The following PCMT1 variants were observed in gnomAD, a reference collection of about 807,000 sequenced individuals.
The protein encoded by PCMT1 is protein-L-isoaspartate(D-aspartate) O-methyltransferase.
PCMT1 carries 9 observed loss-of-function variants against 29.2 expected under a neutral mutation model. The observed-to-expected ratio is 0.31, with a 90% confidence interval of 0.19 to 0.54. PCMT1 has a LOEUF of 0.54. Among genes scored for constraint, PCMT1 ranks in the 20% least tolerant of loss-of-function variants. The pLI is 0.95. For missense variants in PCMT1, 184 were observed against 282.2 expected, an observed-to-expected ratio of 0.65 and a Z score of 2.49; for synonymous variants, 98 against 97.5, an observed-to-expected ratio of 1.00 and a Z score of -0.03.
chr6:149,777,515 A>G (rs145764182), intron 3 of PCMT1, among the ~76,000 whole-genome samples: 384 of 152,356 alleles, frequency 2.5e-3, no homozygotes, highest in African/African-American at 8.9e-3. Flanking sequence ...GAAATGCAGT[A>G]TAATACTTAC....
intron 1 of PCMT1, among the ~76,000 whole-genome samples, chr6:149,756,228 T>C (rs1786498242): frequency 6.6e-6 from 1 of 152,192 alleles, no homozygotes; most frequent in African/African-American, 2.4e-5. Flanking sequence ...GCAAGAATTA[T>C]GATTTGTAGT....
At chr6:149,805,320 G>A (rs182705712) in intron 7 of PCMT1, among the ~76,000 whole-genome samples, 9 of 151,552 alleles carry the variant, frequency 5.9e-5, no homozygotes, top group East Asian at 5.8e-4. Context: ...TAGGCTGGGC[G>A]CAGTGGCTCA....
chr6:149,755,127 C>T (rs969944465), intron 1 of PCMT1, among the ~76,000 whole-genome samples: 3 of 151,972 alleles, frequency 2.0e-5, no homozygotes, highest in Non-Finnish European at 2.9e-5. Context: ...TAAGGAAGGC[C>T]GAGTGCGGTG....
chr6:149,767,324 T>G (rs1787130141), intron 1 of PCMT1, among the ~76,000 whole-genome samples: 1 of 151,850 alleles, frequency 6.6e-6, no homozygotes, highest in Admixed American at 6.6e-5. Flanking sequence ...CCTCCCACAG[T>G]GCTGGAATTA....
At chr6:149,769,770 A>ATTTTTT (rs34274281) in intron 1 of PCMT1, among the ~76,000 whole-genome samples, 1 of 99,714 alleles carries the variant, frequency 1.0e-5, no homozygotes. Context: ...AGCTAATTAA[A>ATTTTTT]TTTTTTTTTT....
At chr6:149,753,248 C>T (rs1786395114) in intron 1 of PCMT1, among the ~76,000 whole-genome samples, 1 of 151,830 alleles carries the variant, frequency 6.6e-6, no homozygotes, top group African/African-American at 2.4e-5. Context: ...TAATTGAAAT[C>T]TTAGAAAAAT....
intron 2 of PCMT1, chr6:149,772,455 A>G (rs1787369121): frequency 2.6e-6 from 1 of 391,192 alleles, no homozygotes; most frequent in African/African-American, 2.1e-5. Context: ...GACTTTGTAT[A>G]CCTATTACAT....
In PCMT1 at chr6:149,810,693, T is replaced by C; in HGVS notation, c.*115T>C. On this transcript the variant is annotated 3_prime_UTR_variant, in exon 8 of 8. Transcript: ENST00000464889. Reference sequence around the variant, plus strand: ...TGCTCATCTCAGTCCTCAAAGCTTTTTGAAAACCAACACCATCACAGCTTG... The same window carrying C: ...TGCTCATCTCAGTCCTCAAAGCTTTCTGAAAACCAACACCATCACAGCTTG... The C allele has an allele frequency of 8.0e-7, 1 of 1,242,646 alleles. No individual in the cohort carries two copies. Among genetic ancestry groups the C allele is most frequent in the Non-Finnish European group, 1.1e-6 (1 of 870,282 alleles). 77.0% of individuals were successfully genotyped at this position (1,242,646 alleles called of 1,614,324 possible). A position where few individuals can be genotyped will look rare whatever the true frequency, so the allele number is the denominator to read the frequency against.
intron 7 of PCMT1, among the ~76,000 whole-genome samples, chr6:149,805,575 C>T (rs1775987900): frequency 6.6e-6 from 1 of 151,588 alleles, no homozygotes; most frequent in South Asian, 2.1e-4. Flanking sequence ...GCCTGGGCAA[C>T]AGAGCGAGAC....
chr6:149,754,328 A>G (rs1786437793), intron 1 of PCMT1, among the ~76,000 whole-genome samples: 1 of 152,230 alleles, frequency 6.6e-6, no homozygotes, highest in Non-Finnish European at 1.5e-5. Flanking sequence ...TGGACTGGTA[A>G]TGTGCTCGTG....
In PCMT1 at chr6:149,762,808, T is replaced by C. The variant is rs1372263324; in HGVS notation, c.56-8354T>C. Reference sequence around the variant, plus strand: ...GATATATATACCTATGATATATATATCTATGATAATCTATGATATATATGA... The same window carrying C: ...GATATATATACCTATGATATATATACCTATGATAATCTATGATATATATGA... On this transcript the variant is annotated intron_variant, in intron 1 of 7. Coordinates refer to ENST00000464889, the MANE Select transcript of PCMT1 (RefSeq NM_001360452.2). Among the ~76,000 whole-genome samples, 3 of 53,760 alleles carry C rather than the reference T, an allele frequency of 5.6e-5. 1 individual carries two copies. Among genetic ancestry groups the C allele is most frequent in the African/African-American group, 3.7e-4 (2 of 5,478 alleles). The allele number at this position is 53,760 out of a possible 152,430, so 35.3% of individuals were successfully genotyped here.
Position 149,801,234 on chromosome 6 carries a change from T to C in PCMT1, c.505-966T>C, listed in dbSNP as rs78317405. Among the ~76,000 whole-genome samples the C allele has an allele frequency of 8.0e-3, 1,215 of 152,346 alleles. 18 individuals are homozygous for C. Among genetic ancestry groups the C allele is most frequent in the African/African-American group, 0.028 (1,157 of 41,576 alleles). On this transcript the variant is annotated intron_variant, in intron 6 of 7. Transcript: ENST00000464889. Reference sequence around the variant, plus strand: ...CTAAACATAAAACTCATTTATGTTATACCTCTTATACACATAGCCTGAAGG... The same window carrying C: ...CTAAACATAAAACTCATTTATGTTACACCTCTTATACACATAGCCTGAAGG...
In PCMT1 at chr6:149,749,796, G is replaced by A. The variant is rs1198680901; in HGVS notation, c.-106G>A. 7.7e-6 allele frequency: 12 copies of A among 1,551,920 alleles called. No homozygotes were observed. Among genetic ancestry groups the A allele is most frequent in the Admixed American group, 3.9e-5 (2 of 51,026 alleles). On this transcript the variant is annotated 5_prime_UTR_variant, in exon 1 of 8. Coordinates refer to ENST00000464889, the MANE Select transcript of PCMT1 (RefSeq NM_001360452.2). ...ACAGCGGCAGCTACAGCGGGGACGC[G>A]AGCGGGGCGGTGACGGTGTGGGAGG...
rs1467540328 is a variant in PCMT1, at chr6:149,810,672, C to T, written c.*94C>T. 1 of 1,477,210 alleles carries T rather than the reference C, an allele frequency of 6.8e-7. No homozygotes were observed. Among genetic ancestry groups the T allele is most frequent in the Non-Finnish European group, 9.2e-7 (1 of 1,081,452 alleles). The allele number at this position is 1,477,210 out of a possible 1,614,324, so 91.5% of individuals were successfully genotyped here. A position where few individuals can be genotyped will look rare whatever the true frequency, so the allele number is the denominator to read the frequency against. The stretch of plus-strand genomic sequence containing the variant: ...CAGTATAAAATTACAGTGGATTGCT[C>T]ATCTCAGTCCTCAAAGCTTTTTGAA... On this transcript the variant is annotated 3_prime_UTR_variant, in exon 8 of 8. Transcript: ENST00000464889.
intron 3 of PCMT1, among the ~76,000 whole-genome samples, chr6:149,786,557 ACGGGGCGG>A (rs1788096396): frequency 1.4e-5 from 1 of 72,926 alleles, no homozygotes; most frequent in African/African-American, 1.1e-4. Flanking sequence ...CACTTCTCAG[ACGGGGCGG>A]TTGCCAGGCA....
At chr6:149,780,973 A>G (rs1328475521) in intron 3 of PCMT1, among the ~76,000 whole-genome samples, 2 of 152,186 alleles carry the variant, frequency 1.3e-5, no homozygotes, top group African/African-American at 4.8e-5. Context: ...CTAGCAATGT[A>G]TGAGGGTTCC....
At chr6:149,786,927 C>T (rs1467302773) in intron 3 of PCMT1, among the ~76,000 whole-genome samples, 2 of 142,250 alleles carry the variant, frequency 1.4e-5, no homozygotes, top group African/African-American at 2.8e-5. Flanking sequence ...CCAAGGCAGG[C>T]GGCTGGGAGG....
intron 3 of PCMT1, 136 bp from the exon 4 acceptor site, chr6:149,789,817 TG>T: frequency 2.0e-6 from 1 of 492,580 alleles, no homozygotes; most frequent in Non-Finnish European, 3.6e-6. Context: ...AAGTAATACC[TG>T]GGCAGATAGC....
At chr6:149,805,963 C>T (rs1167459371) in intron 7 of PCMT1, among the ~76,000 whole-genome samples, 1 of 149,050 alleles carries the variant, frequency 6.7e-6, no homozygotes, top group African/African-American at 2.5e-5. Flanking sequence ...AAAAATTGAG[C>T]AAACTTACAT....
Sources: gnomAD v4.1 joint callset for allele counts (sites outside exome capture counted in the v4.1 genomes callset) on GRCh38, gnomAD v4.1.1 for gene constraint, MANE v1.5 for transcripts, NCBI Gene and HGNC (gene_info 2026-07-23, HGNC 2026-07-21) for gene names.